EYS: variants seen among roughly 807,000 people sequenced by gnomAD.
EYS encodes the protein protein eyes shut homolog.
A neutral mutation model predicts 282.1 loss-of-function variants in EYS; 250 were observed. That is an observed-to-expected ratio of 0.89 (90% CI 0.80 to 0.98). EYS has a LOEUF of 0.98. Among genes scored for constraint, EYS ranks in the 50% least tolerant of loss-of-function variants. The pLI, the probability that EYS is intolerant of heterozygous loss-of-function variation, is 0.00. For missense variants in EYS, 4,016 were observed against 3,709.0 expected (o/e 1.08, Z -2.15); for synonymous variants, 1,355 against 1,282.9 (o/e 1.06, Z -1.20).
At chr6:65,633,082 T>G (rs1029548895) in intron 2 of EYS, among the ~76,000 whole-genome samples, 1 of 152,330 alleles carries the variant, frequency 6.6e-6, no homozygotes, top group African/African-American at 2.4e-5. Context: ...AGATACTATA[T>G]AAAGTATTTT....
At chr6:64,748,584 G>A (rs896230815) in intron 22 of EYS, among the ~76,000 whole-genome samples, 1 of 152,160 alleles carries the variant, frequency 6.6e-6, no homozygotes, top group African/African-American at 2.4e-5. Context: ...ATCTATCATT[G>A]TGTTCCCAGA....
At chr6:64,662,940 T>C (rs554153918) in intron 22 of EYS, among the ~76,000 whole-genome samples, 1 of 152,210 alleles carries the variant, frequency 6.6e-6, no homozygotes, top group Non-Finnish European at 1.5e-5. Context: ...GAAAGGAACC[T>C]AGACTGTTTA....
At chr6:64,706,628 C>A (rs1034560088) in intron 22 of EYS, among the ~76,000 whole-genome samples, 9 of 151,892 alleles carry the variant, frequency 5.9e-5, no homozygotes, top group Non-Finnish European at 1.0e-4. Context: ...AAAAAACAAA[C>A]AATTCCATCA....
At chr6:65,665,792 AC>A (rs1323858351) in intron 1 of EYS, among the ~76,000 whole-genome samples, 2 of 152,054 alleles carry the variant, frequency 1.3e-5, no homozygotes, top group African/African-American at 4.8e-5. Context: ...AATTTACATA[AC>A]CATGATAAAT....
intron 33 of EYS, among the ~76,000 whole-genome samples, chr6:64,026,333 A>T (rs561072150): frequency 1.4e-4 from 21 of 152,300 alleles, no homozygotes; most frequent in South Asian, 6.2e-4. Flanking sequence ...AACAAACCAA[A>T]ACCATGGGCG....
intron 13 of EYS, among the ~76,000 whole-genome samples, chr6:65,000,103 C>A (rs146156352): frequency 1.1e-3 from 172 of 152,266 alleles, no homozygotes; most frequent in African/African-American, 4.0e-3. Flanking sequence ...GTAACACACG[C>A]CCACTGGGGC....
chr6:65,491,351 T>C (rs961627287), intron 4 of EYS: 3 of 296,404 alleles, frequency 1.0e-5, no homozygotes, highest in African/African-American at 6.6e-5. Context: ...AATCATCTTA[T>C]AATACCTTAG....
At position 64,936,029 on chromosome 6, in the gene EYS, C is replaced by A. The variant is rs1014964111; in HGVS notation, c.2381+9764G>T. Among the ~76,000 whole-genome samples, 6 of 151,544 alleles carry A rather than the reference C, an allele frequency of 4.0e-5. No individual in the cohort carries two copies. The South Asian group carries it at 8.3e-4, about 21-fold the overall frequency. ...GATCAATATGCCTTAGGAATACAGA[C>A]CCCAAATTCCTTCATGAAGTACTAG... On this transcript the variant is annotated intron_variant, in intron 15 of 42. Transcript: ENST00000503581.
In EYS at chr6:65,597,809, T is replaced by G. The variant is rs139029221; in HGVS notation, c.-333+41969A>C. Among the ~76,000 whole-genome samples the G allele has an allele frequency of 9.2e-5, 14 of 152,146 alleles. No homozygotes were observed. The South Asian group carries it at 2.7e-3, about 29-fold the overall frequency. ...GGAAGGTACTGAAATAATCATAGAC[T>G]GGCAAAAATGGCCAAGCGCAGTGGC... On this transcript the variant is annotated intron_variant, in intron 2 of 42. Transcript: ENST00000503581.
chr6:64,418,881 C>A (rs758033901), intron 28 of EYS, among the ~76,000 whole-genome samples: 2 of 152,058 alleles, frequency 1.3e-5, no homozygotes, highest in Middle Eastern at 3.4e-3. Context: ...TCACACAGTC[C>A]CTGAGAAAAG....
intron 22 of EYS, among the ~76,000 whole-genome samples, chr6:64,720,615 G>A (rs1488708976): frequency 1.3e-5 from 2 of 151,966 alleles, no homozygotes; most frequent in African/African-American, 4.8e-5. Flanking sequence ...TTTTGCTTCA[G>A]GACATGAGTA....
intron 33 of EYS, among the ~76,000 whole-genome samples, chr6:64,057,277 A>G (rs1031468206): frequency 1.3e-5 from 2 of 152,164 alleles, no homozygotes; most frequent in African/African-American, 4.8e-5. Context: ...AACAATTTAT[A>G]TCAACATATA....
In EYS at chr6:65,402,509, A is replaced by T; in HGVS notation, c.1153T>A (p.Cys385Ser). 2 of 1,530,536 alleles carry T rather than the reference A, an allele frequency of 1.3e-6. No homozygotes were observed. The highest frequency in any genetic ancestry group is 1.1e-5 in the South Asian group (1 of 89,162). The allele number at this position is 1,530,536 out of a possible 1,614,324, so 94.8% of individuals were successfully genotyped here. ...ESFPLRNNAT[C>S]KKCEKDYPCS... Reference sequence around the variant, plus strand: ...GGATAATCTTTCTCACATTTCTTACATGTAGCATTATTCCTCAAAGGAAAT... The same window carrying T: ...GGATAATCTTTCTCACATTTCTTACTTGTAGCATTATTCCTCAAAGGAAAT... The change falls in exon 7 of 43, where the codon TGT becomes AGT. Residue 385 changes from cysteine (C) to serine (S), a missense_variant. Coordinates refer to ENST00000503581, the MANE Select transcript of EYS (RefSeq NM_001142800.2).
chr6:64,277,010 A>T (rs1461268417), intron 30 of EYS, among the ~76,000 whole-genome samples: 6 of 152,180 alleles, frequency 3.9e-5, no homozygotes, highest in Admixed American at 3.9e-4. Flanking sequence ...GGATCTGTGT[A>T]AATCAAAACA....
At chr6:64,472,813 T>C (rs1039394538) in intron 26 of EYS, among the ~76,000 whole-genome samples, 4 of 152,134 alleles carry the variant, frequency 2.6e-5, no homozygotes, top group African/African-American at 9.7e-5. Context: ...CAGCTAAAAA[T>C]CACTGTAATG....
At chr6:65,087,962 T>C (rs193064578) in intron 12 of EYS, among the ~76,000 whole-genome samples, 8 of 151,712 alleles carry the variant, frequency 5.3e-5, no homozygotes, top group African/African-American at 1.5e-4. Context: ...TATGGGGGAG[T>C]CTTGTGAGAT....
At chr6:65,428,446 G>A (rs934304566) in intron 5 of EYS, among the ~76,000 whole-genome samples, 23 of 151,726 alleles carry the variant, frequency 1.5e-4, no homozygotes, top group Non-Finnish European at 1.8e-4. Flanking sequence ...TCATTTTTAC[G>A]TATATTAACT....
intron 35 of EYS, among the ~76,000 whole-genome samples, chr6:63,880,463 ATCTG>A (rs146473920): frequency 0.11 from 16,116 of 144,194 alleles, 1,120 homozygotes; most frequent in African/African-American, 0.18. Flanking sequence ...ATCTCTGTCT[ATCTG>A]TCTGTCTGTC....
At chr6:65,445,819 A>G (rs972941343) in intron 5 of EYS, among the ~76,000 whole-genome samples, 3 of 151,788 alleles carry the variant, frequency 2.0e-5, no homozygotes, top group African/African-American at 7.2e-5. Context: ...AAGAGTTAAT[A>G]TTTTAGAAAC....
Sources: allele counts gnomAD v4.1 joint callset (sites outside exome capture counted in the v4.1 genomes callset), GRCh38; gene constraint gnomAD v4.1.1; transcripts MANE v1.5; gene names NCBI Gene and HGNC (gene_info 2026-07-23, HGNC 2026-07-21).